TCOF1: variants seen among roughly 807,000 people sequenced by gnomAD.
The protein encoded by TCOF1 is treacle protein.
Under a neutral mutation model 149.0 loss-of-function variants are expected in TCOF1, and 33 were observed. The ratio of observed to expected loss-of-function variants is 0.22; its 90% confidence interval spans 0.17 to 0.30. The LOEUF (loss-of-function observed/expected upper bound fraction) is 0.30. Ranked by LOEUF, TCOF1 falls within the 10% of genes least tolerant of loss-of-function variation. TCOF1 has a pLI of 1.00. For synonymous variants in TCOF1, 789 were observed against 738.8 expected (o/e 1.07, Z -1.10); for missense variants, 1,728 against 1,840.7 (o/e 0.94, Z 1.12).
chr5:150,400,203 C>T lies in TCOF1; in HGVS notation c.*416C>T, dbSNP rs1219937337. 1.3e-5 allele frequency: 2 copies of T among 151,794 alleles called. No individual in the cohort carries two copies. Among genetic ancestry groups the T allele is most frequent in the African/African-American group, 4.8e-5 (2 of 41,300 alleles). 9.4% of individuals were successfully genotyped at this position (151,794 alleles called of 1,614,324 possible). A position where few individuals can be genotyped will look rare whatever the true frequency, so the allele number is the denominator to read the frequency against. ...GCTCGGTCTCTGGCTGATCCCGAGG[C>T]TTTGTCTTCCTCTCGTCAGTTCTTT... On this transcript the variant is annotated 3_prime_UTR_variant, in exon 27 of 27. Coordinates refer to ENST00000643257, the MANE Select transcript of TCOF1 (RefSeq NM_001371623.1).
intron 17 of TCOF1, 54 bp downstream of exon 17, chr5:150,379,786 A>T (rs980087435): frequency 7.0e-5 from 111 of 1,591,416 alleles, no homozygotes; most frequent in Non-Finnish European, 9.2e-5. Flanking sequence ...GAACGGGGGT[A>T]TAGGGCTGGG....
At chr5:150,372,321 T>G in intron 7 of TCOF1, 85 bp downstream of exon 7, 2 of 1,218,988 alleles carry the variant, frequency 1.6e-6, no homozygotes, top group Non-Finnish European at 2.3e-6. Context: ...CCTCTGCCAC[T>G]GGAGTTGGGG....
intron 24 of TCOF1, among the ~76,000 whole-genome samples, chr5:150,397,666 C>T (rs1156489827): frequency 2.6e-5 from 4 of 152,304 alleles, no homozygotes; most frequent in East Asian, 1.9e-4. Flanking sequence ...AGAGCCAGCT[C>T]GTTCTGGAAC....
At chr5:150,390,054 G>T in intron 19 of TCOF1, 31 bp downstream of exon 19, 1 of 1,581,990 alleles carries the variant, frequency 6.3e-7, no homozygotes, top group East Asian at 2.4e-5. Flanking sequence ...GGTAATGCAG[G>T]CCAGTGGGGT....
chr5:150,396,202 G>A (rs1441959949), intron 23 of TCOF1, 80 bp from the exon 24 acceptor site: 19 of 1,512,658 alleles, frequency 1.3e-5, no homozygotes, highest in African/African-American at 2.7e-5. Flanking sequence ...GTCACTCCCT[G>A]CACCCTCTTC....
Position 150,374,202 on chromosome 5 carries a change from T to C in TCOF1, c.899T>C (p.Val300Ala). The change falls in exon 8 of 27, where the codon GTC becomes GCC. Residue 300 changes from valine to alanine, a missense_variant. Physicochemically the swap from Val to Ala is moderately conservative, Grantham distance 64 (BLOSUM62 0). Coordinates refer to ENST00000643257, the MANE Select transcript of TCOF1 (RefSeq NM_001371623.1). The part of the protein sequence containing the change: ...QVKASEKILQ[V>A]RAASAPAKGT... The stretch of plus-strand genomic sequence containing the variant: ...AAGGCCTCTGAAAAAATTCTCCAGG[T>C]CAGAGCTGCCTCAGCCCCTGCCAAG... The C allele has an allele frequency of 6.2e-7, 1 of 1,612,662 alleles. No homozygotes were observed. Among genetic ancestry groups the C allele is most frequent in the South Asian group, 1.1e-5 (1 of 90,868 alleles).
At chr5:150,373,534 GCCTGCAGCCA>G (rs1194859468) in intron 7 of TCOF1, among the ~76,000 whole-genome samples, 12 of 152,196 alleles carry the variant, frequency 7.9e-5, no homozygotes, top group Non-Finnish European at 1.8e-4. Flanking sequence ...GGAAGACAGG[GCCTGCAGCCA>G]CCCTGCCAAA....
rs1370259608 is a variant in TCOF1 at position 150,379,016 on chromosome 5, C to G, written c.2452C>G (p.Gln818Glu). ...APGKVVTAAAQAKQRSPSKVK... is the reference protein window; with the variant it reads ...APGKVVTAAAEAKQRSPSKVK... ...TGGAAAAGTTGTCACTGCAGCTGCT[C>G]AAGCCAAGCAGAGGTCTCCATCCAA... The change falls in exon 15 of 27, where the codon CAA becomes GAA. Residue 818 changes from glutamine to glutamate, a missense_variant. By Grantham distance (29) the Gln-to-Glu change is conservative (BLOSUM62 2). This residue lies in a region of TCOF1 where 1,696 missense variants were observed against 1,765.4 expected (regional missense o/e 0.96). Coordinates refer to ENST00000643257, the MANE Select transcript of TCOF1 (RefSeq NM_001371623.1). The G allele has an allele frequency of 6.2e-6, 10 of 1,614,032 alleles. No individual in the cohort carries two copies. The highest frequency in any genetic ancestry group is 1.3e-5 in the African/African-American group (1 of 75,004).
chr5:150,393,652 C>G, intron 23 of TCOF1, 100 bp downstream of exon 23: 2 of 1,487,372 alleles, frequency 1.3e-6, no homozygotes, highest in Non-Finnish European at 1.8e-6. Context: ...CAACATGGTC[C>G]TGTCTGCCCC....
intron 25 of TCOF1, 103 bp from the exon 26 acceptor site, chr5:150,398,919 A>C: frequency 6.5e-7 from 1 of 1,540,682 alleles, no homozygotes; most frequent in Non-Finnish European, 9.0e-7. Context: ...CTGCAGACCC[A>C]GTATCTATTC....
At chr5:150,364,024 C>CT in intron 2 of TCOF1, 89 bp from the exon 3 acceptor site, 1 of 1,593,466 alleles carries the variant, frequency 6.3e-7, no homozygotes, top group South Asian at 1.1e-5. Context: ...CCTTTAAGAG[C>CT]TGGAAGGATG....
rs1763845908 is a variant in TCOF1, at chr5:150,376,536, C to A, written c.2256C>A (p.Thr752=). The change falls in exon 14 of 27, where the codon ACC becomes ACA. Residue 752 remains threonine (T), a synonymous_variant. Transcript: ENST00000643257. The part of the protein sequence containing the change: ...VLPGKTGPTV[T]QVKAEKQEDS... ...CTGGGAAGACGGGGCCTACAGTCAC[C>A]CAGGTGAAAGCTGAAAAGCAGGAAG... 1 of 1,609,744 alleles carries A rather than the reference C, an allele frequency of 6.2e-7. No individual in the cohort carries two copies. The highest frequency in any genetic ancestry group is 2.2e-5 in the East Asian group (1 of 44,702).
chr5:150,385,267 A>G (rs1242898174), intron 17 of TCOF1, among the ~76,000 whole-genome samples: 2 of 152,208 alleles, frequency 1.3e-5, no homozygotes, highest in Non-Finnish European at 2.9e-5. Flanking sequence ...GGAAACCTGT[A>G]AGAAACTAAA....
Position 150,364,156 on chromosome 5 carries a change from G to A in TCOF1, c.208G>A (p.Ala70Thr). The A allele has an allele frequency of 6.2e-7, 1 of 1,614,166 alleles. No individual in the cohort carries two copies. The highest frequency in any genetic ancestry group is 8.5e-7 in the Non-Finnish European group (1 of 1,180,020). ...GAAGCGGAAGGCAGAGGAAGATGCG[G>A]CACTGCAAGCTAAGAAAACCCGTGT... is the stretch of plus-strand genomic sequence containing the variant. ...GRKRKAEEDA[A>T]LQAKKTRVSD... Residue 70 changes from alanine (A) to threonine (T), a missense_variant, in exon 3 of 27, where the codon GCA becomes ACA. Ala to Thr is a moderately conservative substitution (Grantham distance 58). Coordinates refer to ENST00000643257, the MANE Select transcript of TCOF1 (RefSeq NM_001371623.1).
chr5:150,374,426 T>C (rs1378440740), intron 8 of TCOF1, 40 bp downstream of exon 8: 1 of 1,550,286 alleles, frequency 6.5e-7, no homozygotes, highest in South Asian at 1.2e-5. Flanking sequence ...GCCAGGCCCG[T>C]CCCCAGAAGG....
intron 3 of TCOF1, chr5:150,364,976 T>G (rs1761005756): frequency 6.6e-6 from 1 of 152,436 alleles, no homozygotes; most frequent in Non-Finnish European, 1.5e-5. Context: ...TGCCTTAGCC[T>G]CTTGAGTAGG....
At chr5:150,370,889 G>T (rs1157418666) in intron 6 of TCOF1, among the ~76,000 whole-genome samples, 1 of 152,206 alleles carries the variant, frequency 6.6e-6, no homozygotes, top group African/African-American at 2.4e-5. Context: ...CAGATCTTCT[G>T]TCTGACCTTG....
chr5:150,398,459 G>A lies in TCOF1; in HGVS notation c.4443+8G>A, dbSNP rs1381969223. On this transcript the variant is annotated splice_region_variant and intron_variant, in intron 25 of 26. Transcript: ENST00000643257. ...AAGAAAAAGAAGAAAAAGGTAGAGA[G>A]TTCCTGGGGTGTCTCAGGCCAGAAA... The A allele has an allele frequency of 6.2e-7, 1 of 1,614,092 alleles. No homozygotes were observed. Among genetic ancestry groups the A allele is most frequent in the Admixed American group, 1.7e-5 (1 of 60,016 alleles).
chr5:150,383,983 C>T (rs1164797053), intron 17 of TCOF1: 8 of 1,408,998 alleles, frequency 5.7e-6, no homozygotes, highest in Non-Finnish European at 5.5e-6. Context: ...TACCCTTTGT[C>T]CTCCTCTAGC....
Sources: gnomAD v4.1 joint callset for allele counts (sites outside exome capture counted in the v4.1 genomes callset) on GRCh38, gnomAD v4.1.1 for gene constraint, gnomAD v4.1.1 regional missense constraint, MANE v1.5 for transcripts, NCBI Gene and HGNC (gene_info 2026-07-23, HGNC 2026-07-21) for gene names.